COL4A6: variants seen among roughly 807,000 people sequenced by gnomAD.
COL4A6 encodes collagen type IV alpha 6 chain, also known as collagen alpha-6(IV) chain.
Under a neutral mutation model 126.7 loss-of-function variants are expected in COL4A6, and 59 were observed. The ratio of observed to expected loss-of-function variants is 0.47; its 90% CI spans 0.38 to 0.58. COL4A6 has a LOEUF of 0.58. Among genes scored for constraint, COL4A6 ranks in the 20% least tolerant of loss-of-function variants. The pLI is 0.00. For missense variants in COL4A6, 1,285 were observed against 1,337.3 expected (o/e 0.96, Z 0.61); for synonymous variants, 547 against 496.6 (o/e 1.10, Z -1.35).
chrX:108,205,160 T>A (rs1476211539), intron 11 of COL4A6, among the ~76,000 whole-genome samples: 1 of 109,531 alleles, frequency 9.1e-6, no homozygotes, highest in Non-Finnish European at 1.9e-5. Flanking sequence ...AGAGAAAGAA[T>A]CTATTTCAAG....
intron 2 of COL4A6, among the ~76,000 whole-genome samples, chrX:108,415,949 G>A (rs1157615487): frequency 8.9e-6 from 1 of 112,105 alleles, no homozygotes; most frequent in Non-Finnish European, 1.9e-5. Flanking sequence ...AAAGGGAAGT[G>A]GTTACCTCCA....
chrX:108,320,957 G>T (rs2039012282), intron 2 of COL4A6, among the ~76,000 whole-genome samples: 1 of 111,647 alleles, frequency 9.0e-6, no homozygotes, highest in Admixed American at 9.5e-5. Flanking sequence ...TAGACATTAG[G>T]TTCCTTTGAG....
chrX:108,161,792 T>C, intron 41 of COL4A6, 57 bp from the exon 42 acceptor site: 1 of 813,828 alleles, frequency 1.2e-6, no homozygotes, highest in East Asian at 3.3e-5. Context: ...CCAGGCACCT[T>C]CCCCAGGAAA....
At chrX:108,346,650 G>A (rs1199279310) in intron 2 of COL4A6, among the ~76,000 whole-genome samples, 1 of 112,227 alleles carries the variant, frequency 8.9e-6, no homozygotes, top group African/African-American at 3.2e-5. Context: ...TTTACTCTAG[G>A]CTAATTGATA....
In COL4A6 at chrX:108,180,972, T is replaced by C. The variant is rs1248385596; in HGVS notation, c.1952-4A>G. The C allele has an allele frequency of 2.5e-6, 3 of 1,202,792 alleles. No homozygotes were observed. Among genetic ancestry groups the C allele is most frequent in the Admixed American group, 4.4e-5 (2 of 45,899 alleles). ...ATAATACAGGGCAGGGTGATTCCTG[T>C]AAATGGTAACATGTGTGCATTCAGT... On this transcript the variant is annotated splice_region_variant and splice_polypyrimidine_tract_variant and intron_variant, in intron 23 of 44. Coordinates refer to ENST00000334504, the MANE Select transcript of COL4A6 (RefSeq NM_033641.4).
At chrX:108,259,776 C>T (rs774321024) in intron 3 of COL4A6, among the ~76,000 whole-genome samples, 1 of 111,379 alleles carries the variant, frequency 9.0e-6, no homozygotes, top group South Asian at 3.7e-4. Context: ...ATTTAAATGC[C>T]CTAGCTGCTT....
chrX:108,371,306 G>A (rs2040318269), intron 2 of COL4A6, among the ~76,000 whole-genome samples: 1 of 109,533 alleles, frequency 9.1e-6, no homozygotes, highest in Non-Finnish European at 1.9e-5. Context: ...TATGAACATG[G>A]TAAGAAAATT....
intron 32 of COL4A6, 39 bp from the exon 33 acceptor site, chrX:108,171,500 G>A: frequency 9.2e-7 from 1 of 1,090,964 alleles, no homozygotes; most frequent in Non-Finnish European, 1.3e-6. Flanking sequence ...GCCAGGAGAA[G>A]CTATAGCTCA....
chrX:108,167,055 A>C (rs1453164962), intron 37 of COL4A6, among the ~76,000 whole-genome samples: 2 of 111,932 alleles, frequency 1.8e-5, no homozygotes, highest in Non-Finnish European at 3.8e-5. Context: ...TCTTAATTTT[A>C]TAATTACACT....
chrX:108,207,626 T>A (rs2035585547), intron 8 of COL4A6, among the ~76,000 whole-genome samples: 2 of 111,114 alleles, frequency 1.8e-5, no homozygotes, highest in Admixed American at 1.9e-4. Context: ...TGATTGAAAT[T>A]TTTTTTTTAT....
intron 3 of COL4A6, among the ~76,000 whole-genome samples, chrX:108,296,826 A>C (rs1382135082): frequency 8.9e-6 from 1 of 112,293 alleles, no homozygotes; most frequent in African/African-American, 3.2e-5. Context: ...TACTCTTGGA[A>C]CAAAGGAAAT....
At chrX:108,383,832 C>T (rs1471764867) in intron 2 of COL4A6, 15 of 490,958 alleles carry the variant, frequency 3.1e-5, no homozygotes, top group Non-Finnish European at 5.5e-5. Flanking sequence ...AAGGATCCCT[C>T]AAACCAGATG....
intron 3 of COL4A6, among the ~76,000 whole-genome samples, chrX:108,306,433 T>G (rs2038628000): frequency 9.0e-6 from 1 of 111,055 alleles, no homozygotes; most frequent in African/African-American, 3.3e-5. Context: ...GTGTGTGTTG[T>G]AGTGGGTAGT....
intron 2 of COL4A6, among the ~76,000 whole-genome samples, chrX:108,428,426 G>A (rs2147383125): frequency 8.9e-6 from 1 of 111,834 alleles, no homozygotes; most frequent in African/African-American, 3.2e-5. Context: ...GATGGGAGAG[G>A]AATTTAGCAC....
At chrX:108,364,988 A>T (rs754402220) in intron 2 of COL4A6, among the ~76,000 whole-genome samples, 1 of 110,653 alleles carries the variant, frequency 9.0e-6, no homozygotes, top group East Asian at 2.9e-4. Flanking sequence ...TGATGTCACC[A>T]CACCTAATGA....
intron 2 of COL4A6, among the ~76,000 whole-genome samples, chrX:108,383,246 A>C (rs1024589281): frequency 9.0e-6 from 1 of 111,366 alleles, no homozygotes; most frequent in Admixed American, 9.5e-5. Context: ...ATAAAATCAG[A>C]CATAATTGAC....
intron 2 of COL4A6, among the ~76,000 whole-genome samples, chrX:108,395,933 G>A (rs2040953814): frequency 9.0e-6 from 1 of 111,238 alleles, no homozygotes; most frequent in Admixed American, 9.6e-5. Flanking sequence ...ATCCAGGACC[G>A]CTTTAAACAG....
chrX:108,435,370 G>C (rs1034170617), intron 2 of COL4A6, among the ~76,000 whole-genome samples: 2 of 111,980 alleles, frequency 1.8e-5, no homozygotes, highest in East Asian at 2.8e-4. Flanking sequence ...TCGCTAACAC[G>C]ATGCAAGTAC....
chrX:108,392,922 G>A (rs1439592642), intron 2 of COL4A6, among the ~76,000 whole-genome samples: 4 of 111,645 alleles, frequency 3.6e-5, no homozygotes, highest in African/African-American at 9.8e-5. Flanking sequence ...ATACCACCCA[G>A]TTTATGGTAT....
Sources: gnomAD v4.1 joint callset for allele counts (sites outside exome capture counted in the v4.1 genomes callset) on GRCh38, gnomAD v4.1.1 for gene constraint, MANE v1.5 for transcripts, NCBI Gene and HGNC (gene_info 2026-07-23, HGNC 2026-07-21) for gene names.